The following PHLPP1 variants were observed in gnomAD, a reference collection of about 807,000 sequenced individuals.
PHLPP1 encodes the protein PH domain and leucine rich repeat protein phosphatase 1.
PHLPP1 carries 42 observed loss-of-function variants against 117.2 expected under a neutral mutation model. The ratio of observed to expected loss-of-function variants is 0.36; its 90% CI spans 0.28 to 0.46. PHLPP1 has a LOEUF of 0.46. PHLPP1 is among the 20% of genes least tolerant of loss of function. The pLI, the probability that PHLPP1 is intolerant of heterozygous loss-of-function variation, is 1.00. For synonymous variants in PHLPP1, 1,042 were observed against 970.7 expected (o/e 1.07, Z -1.37); for missense variants, 2,084 against 2,241.9 (o/e 0.93, Z 1.42).
chr18:62,904,749 T>C (rs780224897), intron 7 of PHLPP1, among the ~76,000 whole-genome samples: 18 of 152,210 alleles, frequency 1.2e-4, no homozygotes, highest in Non-Finnish European at 2.5e-4. Flanking sequence ...AGAAACACAG[T>C]GACAGGGGAC....
intron 1 of PHLPP1, among the ~76,000 whole-genome samples, chr18:62,734,253 T>G (rs1463637613): frequency 2.0e-5 from 3 of 152,180 alleles, no homozygotes; most frequent in Non-Finnish European, 4.4e-5. Context: ...ATGTAAAAAT[T>G]GGAAGATGAT....
At chr18:62,870,866 C>G (rs1392557966) in intron 4 of PHLPP1, among the ~76,000 whole-genome samples, 3 of 152,182 alleles carry the variant, frequency 2.0e-5, no homozygotes, top group Non-Finnish European at 4.4e-5. Flanking sequence ...GGAACTAGTG[C>G]TGTTTGTTTT....
chr18:62,739,430 T>C (rs984822583), intron 1 of PHLPP1, among the ~76,000 whole-genome samples: 1 of 152,168 alleles, frequency 6.6e-6, no homozygotes, highest in Non-Finnish European at 1.5e-5. Context: ...GGTCTTGATA[T>C]TGCTCTTTGT....
At chr18:62,822,294 T>G (rs535695518) in intron 1 of PHLPP1, among the ~76,000 whole-genome samples, 4 of 146,146 alleles carry the variant, frequency 2.7e-5, no homozygotes, top group South Asian at 4.5e-4. Flanking sequence ...TTGTTTTTTT[T>G]TTTTTGAGAC....
At chr18:62,718,441 C>G (rs1910825963) in intron 1 of PHLPP1, among the ~76,000 whole-genome samples, 1 of 152,188 alleles carries the variant, frequency 6.6e-6, no homozygotes. Context: ...ATCTTTACAT[C>G]TTTACTCCCA....
intron 10 of PHLPP1, among the ~76,000 whole-genome samples, chr18:62,929,566 A>T (rs568066144): frequency 6.6e-6 from 1 of 152,304 alleles, no homozygotes; most frequent in South Asian, 2.1e-4. Flanking sequence ...GATAGTGAGC[A>T]TTTTGGTATA....
intron 1 of PHLPP1, among the ~76,000 whole-genome samples, chr18:62,729,104 GAAA>G (rs1419728809): frequency 6.6e-6 from 1 of 152,144 alleles, no homozygotes; most frequent in African/African-American, 2.4e-5. Flanking sequence ...ATGGGGGAGG[GAAA>G]AGGAACACAT....
At chr18:62,771,245 C>CACTATCTCA (rs1292777862) in intron 1 of PHLPP1, among the ~76,000 whole-genome samples, 1 of 151,090 alleles carries the variant, frequency 6.6e-6, no homozygotes, top group Non-Finnish European at 1.5e-5. Flanking sequence ...GCAAAGTTGT[C>CACTATCTCA]ACTATCTCAG....
intron 12 of PHLPP1, among the ~76,000 whole-genome samples, chr18:62,953,603 G>T (rs1402579508): frequency 6.6e-6 from 1 of 152,202 alleles, no homozygotes; most frequent in East Asian, 1.9e-4. Context: ...CTCAAGGGCA[G>T]GGACTGTGTC....
At chr18:62,836,430 TAAAAATAAATAA>T (rs1914899888) in intron 2 of PHLPP1, among the ~76,000 whole-genome samples, 1 of 115,920 alleles carries the variant, frequency 8.6e-6, no homozygotes, top group Non-Finnish European at 1.8e-5. Context: ...AGACTCCATC[TAAAAATAAATAA>T]ATAAATAAAT....
intron 1 of PHLPP1, among the ~76,000 whole-genome samples, chr18:62,795,121 C>T (rs748609363): frequency 2.0e-5 from 3 of 152,022 alleles, no homozygotes; most frequent in Non-Finnish European, 4.4e-5. Context: ...GTGCAGTTCT[C>T]GTAGGTCTTT....
At chr18:62,726,823 A>C (rs1366805814) in intron 1 of PHLPP1, among the ~76,000 whole-genome samples, 1 of 151,058 alleles carries the variant, frequency 6.6e-6, no homozygotes, top group Non-Finnish European at 1.5e-5. Flanking sequence ...AGCTCAGGTG[A>C]TCCATCTGCC....
intron 1 of PHLPP1, among the ~76,000 whole-genome samples, chr18:62,820,139 A>G (rs953221854): frequency 6.6e-6 from 1 of 152,240 alleles, no homozygotes; most frequent in African/African-American, 2.4e-5. Flanking sequence ...CCATACATCA[A>G]GAAGATATAA....
chr18:62,933,255 A>T (rs1909871120), intron 10 of PHLPP1, among the ~76,000 whole-genome samples: 1 of 152,224 alleles, frequency 6.6e-6, no homozygotes. Flanking sequence ...GAAATTAGAA[A>T]AAAATTATAA....
chr18:62,867,356 C>G (rs1262953441), intron 4 of PHLPP1, among the ~76,000 whole-genome samples: 2 of 152,168 alleles, frequency 1.3e-5, no homozygotes, highest in Non-Finnish European at 1.5e-5. Context: ...CCATCTACCC[C>G]ACACCACATG....
At chr18:62,793,637 A>G (rs1029843338) in intron 1 of PHLPP1, among the ~76,000 whole-genome samples, 1 of 152,344 alleles carries the variant, frequency 6.6e-6, no homozygotes, top group African/African-American at 2.4e-5. Context: ...TATACCAAAT[A>G]CTACACATAA....
intron 10 of PHLPP1, among the ~76,000 whole-genome samples, chr18:62,921,950 C>T (rs1370359577): frequency 6.6e-6 from 1 of 152,108 alleles, no homozygotes; most frequent in African/African-American, 2.4e-5. Context: ...TCAGTGTACT[C>T]ATGTAAGTTA....
At chr18:62,918,147 A>G (rs1194756049) in intron 9 of PHLPP1, among the ~76,000 whole-genome samples, 1 of 147,604 alleles carries the variant, frequency 6.8e-6, no homozygotes, top group Non-Finnish European at 1.5e-5. Flanking sequence ...CGGAGGTTGC[A>G]GTGAGCCAAG....
chr18:62,760,923 A>T (rs1193343090), intron 1 of PHLPP1, among the ~76,000 whole-genome samples: 2 of 152,156 alleles, frequency 1.3e-5, no homozygotes, highest in Non-Finnish European at 2.9e-5. Context: ...GCAGTGGCAC[A>T]GTCATGGCTC....
Sources: allele counts gnomAD v4.1 joint callset (sites outside exome capture counted in the v4.1 genomes callset), GRCh38; gene constraint gnomAD v4.1.1; transcripts MANE v1.5; gene names NCBI Gene and HGNC (gene_info 2026-07-23, HGNC 2026-07-21).